MAGI1: variants seen among roughly 807,000 people sequenced by gnomAD.
MAGI1 encodes the protein membrane-associated guanylate kinase, WW and PDZ domain-containing protein 1.
A neutral mutation model predicts 139.9 loss-of-function variants in MAGI1; 58 were observed. The observed-to-expected ratio is 0.41, with a 90% CI of 0.34 to 0.52. The LOEUF (loss-of-function observed/expected upper bound fraction) is 0.52. Among genes scored for constraint, MAGI1 ranks in the 20% least tolerant of loss-of-function variants. The pLI, the probability that MAGI1 is intolerant of heterozygous loss-of-function variation, is 0.12. For synonymous variants in MAGI1, 812 were observed against 737.9 expected (o/e 1.10, Z -1.63); for missense variants, 1,874 against 1,901.6 (o/e 0.99, Z 0.27).
chr3:65,651,945 A>C (rs1356206828), intron 1 of MAGI1, among the ~76,000 whole-genome samples: 1 of 152,178 alleles, frequency 6.6e-6, no homozygotes, highest in African/African-American at 2.4e-5. Context: ...ACATCTAAAA[A>C]CGTATCTTCT....
chr3:65,838,090 G>A (rs888147201), intron 1 of MAGI1, among the ~76,000 whole-genome samples: 1 of 152,074 alleles, frequency 6.6e-6, no homozygotes. Context: ...TCACATAAAG[G>A]TTTGTGTAAC....
At chr3:65,741,315 C>T (rs1015735962) in intron 1 of MAGI1, among the ~76,000 whole-genome samples, 2 of 152,036 alleles carry the variant, frequency 1.3e-5, no homozygotes, top group Non-Finnish European at 2.9e-5. Flanking sequence ...GCTGGGACTA[C>T]AGATGCCCGC....
chr3:65,915,407 C>T (rs2061852175), intron 1 of MAGI1, among the ~76,000 whole-genome samples: 1 of 152,256 alleles, frequency 6.6e-6, no homozygotes, highest in African/African-American at 2.4e-5. Flanking sequence ...CTAAAATTCA[C>T]ACCCGTTCAA....
chr3:65,686,920 C>G (rs1002999344), intron 1 of MAGI1, among the ~76,000 whole-genome samples: 3 of 152,192 alleles, frequency 2.0e-5, no homozygotes, highest in African/African-American at 7.2e-5. Flanking sequence ...ACAGCAAGGT[C>G]TTTCTGGTTT....
At chr3:65,931,662 TCAA>T (rs1315004089) in intron 1 of MAGI1, among the ~76,000 whole-genome samples, 5 of 152,164 alleles carry the variant, frequency 3.3e-5, no homozygotes, top group Non-Finnish European at 7.3e-5. Flanking sequence ...AGACCTTGTC[TCAA>T]CAACAACAGT....
intron 1 of MAGI1, among the ~76,000 whole-genome samples, chr3:65,897,486 C>T (rs1327629215): frequency 6.6e-6 from 1 of 151,370 alleles, no homozygotes. Context: ...GGGGCAGGGG[C>T]GGAATAGCAT....
In MAGI1 at chr3:65,579,877, T is replaced by C. The variant is rs543605707; in HGVS notation, c.430+42095A>G. 7.2e-4 allele frequency among the ~76,000 whole-genome samples: 108 copies of C among 151,030 alleles called. No individual in the cohort carries two copies. In the Middle Eastern group the frequency reaches 0.01, roughly 15 times the overall value. On this transcript the variant is annotated intron_variant, in intron 2 of 22. Transcript: ENST00000402939. ...AAAAAAAAAAACTCGCTCAGTATCA[T>C]TGGGACATTAAAAAAGCCAATGAAA...
chr3:65,518,872 C>G (rs1479197680), intron 2 of MAGI1, among the ~76,000 whole-genome samples: 2 of 151,998 alleles, frequency 1.3e-5, no homozygotes, highest in Non-Finnish European at 2.9e-5. Flanking sequence ...CAATATGTCA[C>G]TTAACGTGAG....
intron 1 of MAGI1, among the ~76,000 whole-genome samples, chr3:65,658,832 T>C (rs1375550321): frequency 1.3e-5 from 2 of 152,210 alleles, no homozygotes; most frequent in Admixed American, 6.5e-5. Context: ...AAGCACAATA[T>C]TGTGTCCAGT....
At chr3:65,654,518 C>T (rs2085757882) in intron 1 of MAGI1, among the ~76,000 whole-genome samples, 1 of 152,166 alleles carries the variant, frequency 6.6e-6, no homozygotes, top group African/African-American at 2.4e-5. Flanking sequence ...TCTGCCAGCA[C>T]TTTCAAATAG....
At chr3:65,963,732 G>A (rs2064589253) in intron 1 of MAGI1, among the ~76,000 whole-genome samples, 1 of 152,162 alleles carries the variant, frequency 6.6e-6, no homozygotes, top group Non-Finnish European at 1.5e-5. Context: ...ACTTTAACAT[G>A]CACTATTTTA....
intron 2 of MAGI1, among the ~76,000 whole-genome samples, chr3:65,583,764 T>A (rs570913342): frequency 2.1e-4 from 32 of 152,292 alleles, no homozygotes; most frequent in South Asian, 1.5e-3. Flanking sequence ...AGGAATGATC[T>A]AACCAAGTTT....
intron 1 of MAGI1, among the ~76,000 whole-genome samples, chr3:65,646,182 G>A (rs1432566098): frequency 6.6e-6 from 1 of 151,592 alleles, no homozygotes; most frequent in Non-Finnish European, 1.5e-5. Flanking sequence ...TAACACTATA[G>A]GCATGGTGAA....
At chr3:65,855,389 G>A (rs1317020844) in intron 1 of MAGI1, among the ~76,000 whole-genome samples, 1 of 150,914 alleles carries the variant, frequency 6.6e-6, no homozygotes, top group Non-Finnish European at 1.5e-5. Context: ...GACCAGCCTG[G>A]GCAAGCTAAG....
intron 9 of MAGI1, among the ~76,000 whole-genome samples, chr3:65,437,518 T>C (rs1241196206): frequency 6.6e-6 from 1 of 151,840 alleles, no homozygotes; most frequent in East Asian, 1.9e-4. Context: ...AGTTAAAAAA[T>C]GTCAGGAAAG....
chr3:65,452,607 A>T (rs142005377), intron 6 of MAGI1: 1 of 151,778 alleles, frequency 6.6e-6, no homozygotes, highest in East Asian at 1.9e-4. Context: ...ATTTTGGAGA[A>T]GTAATTAGAA....
intron 1 of MAGI1, among the ~76,000 whole-genome samples, chr3:65,974,281 A>G (rs2065147549): frequency 6.6e-6 from 1 of 150,398 alleles, no homozygotes; most frequent in Non-Finnish European, 1.5e-5. Context: ...TTGAAAGCAT[A>G]AAGAGTGAGC....
At chr3:65,498,881 G>T in intron 2 of MAGI1, 1 of 334,420 alleles carries the variant, frequency 3.0e-6, no homozygotes, top group Non-Finnish European at 4.3e-6. Context: ...ATAGCCACAT[G>T]TGGCTAGTGG....
At chr3:65,570,126 A>G (rs904061978) in intron 2 of MAGI1, among the ~76,000 whole-genome samples, 1 of 147,914 alleles carries the variant, frequency 6.8e-6, no homozygotes, top group African/African-American at 2.5e-5. Context: ...ATTCTGAGAC[A>G]CAGTCTCACT....
Sources: allele counts gnomAD v4.1 joint callset (sites outside exome capture counted in the v4.1 genomes callset), GRCh38; gene constraint gnomAD v4.1.1; transcripts MANE v1.5; gene names NCBI Gene and HGNC (gene_info 2026-07-23, HGNC 2026-07-21).